MGST2: variants seen among roughly 807,000 people sequenced by gnomAD.
MGST2 encodes glutathione peroxidase MGST2.
A neutral mutation model predicts 16.6 loss-of-function variants in MGST2; 9 were observed. That is an observed-to-expected ratio of 0.54 (90% confidence interval 0.33 to 0.95). The LOEUF (loss-of-function observed/expected upper bound fraction) is 0.95. Among genes scored for constraint, MGST2 ranks in the 40% least tolerant of loss-of-function variants. The pLI is 0.03. For synonymous variants in MGST2, 79 were observed against 68.0 expected (o/e 1.16, Z -0.79); for missense variants, 159 against 175.1 (o/e 0.91, Z 0.52).
chr4:139,746,242 T>C, the MGST2 span, among the ~76,000 whole-genome samples: 2 of 152,232 alleles, frequency 1.3e-5, no homozygotes, highest in Admixed American at 1.3e-4. Flanking sequence ...TGTATTCCAC[T>C]AACCTTTTAA....
chr4:139,688,567 T>C (rs1012281274), intron 2 of MGST2, among the ~76,000 whole-genome samples: 11 of 152,142 alleles, frequency 7.2e-5, no homozygotes, highest in African/African-American at 2.7e-4. Context: ...GAATTCTGAT[T>C]CTGAAATTTG....
chr4:139,710,116 G>T (rs1031409367), intron 5 of MGST2, among the ~76,000 whole-genome samples: 3 of 152,100 alleles, frequency 2.0e-5, no homozygotes, highest in African/African-American at 7.2e-5. Flanking sequence ...GGAGGTGGGT[G>T]GGGTATGGCC....
intron 5 of MGST2, chr4:139,716,767 CTTTTAT>C (rs1245267243): frequency 6.6e-6 from 1 of 152,428 alleles, no homozygotes; most frequent in Non-Finnish European, 1.5e-5. Context: ...TTCAGATAAT[CTTTTAT>C]TTTTGTTTTT....
chr4:139,678,503 C>A, intron 1 of MGST2, 40 bp from the exon 2 acceptor site: 2 of 1,454,212 alleles, frequency 1.4e-6, no homozygotes, highest in Non-Finnish European at 1.9e-6. Context: ...TGACTAATGA[C>A]GTGCCCCATC....
chr4:139,668,836 C>T (rs965781951), intron 1 of MGST2, among the ~76,000 whole-genome samples: 3 of 152,084 alleles, frequency 2.0e-5, no homozygotes, highest in Admixed American at 6.6e-5. Context: ...GGTGGTTTGG[C>T]CAGGGATATT....
At chr4:139,702,509 GT>G (rs1226611340) in intron 3 of MGST2, among the ~76,000 whole-genome samples, 4 of 152,022 alleles carry the variant, frequency 2.6e-5, no homozygotes, top group African/African-American at 9.7e-5. Context: ...ATTGCAAAAT[GT>G]TGTGTTGCAT....
At chr4:139,688,861 C>T (rs1336265117) in intron 2 of MGST2, among the ~76,000 whole-genome samples, 1 of 152,150 alleles carries the variant, frequency 6.6e-6, no homozygotes, top group Non-Finnish European at 1.5e-5. Context: ...AATCACAGCA[C>T]TTTGGGAGGC....
chr4:139,752,620 T>C, the MGST2 span, among the ~76,000 whole-genome samples: 3 of 152,168 alleles, frequency 2.0e-5, no homozygotes, highest in African/African-American at 7.2e-5. Flanking sequence ...CACAAATACA[T>C]TCTGTATTTT....
At chr4:139,725,353 G>A (rs559967964) in intron 5 of MGST2, among the ~76,000 whole-genome samples, 5 of 152,290 alleles carry the variant, frequency 3.3e-5, no homozygotes, top group African/African-American at 1.2e-4. Flanking sequence ...CAAGATTTTT[G>A]CCCCTGTAGT....
chr4:139,753,341 A>AATCT, the MGST2 span, among the ~76,000 whole-genome samples: 60,862 of 146,522 alleles, frequency 0.42, 12,671 homozygotes, highest in Middle Eastern at 0.45. Context: ...TTTTCTTTTT[A>AATCT]ATCTATCTAT....
chr4:139,722,121 C>G (rs1579358434), intron 5 of MGST2, among the ~76,000 whole-genome samples: 1 of 152,256 alleles, frequency 6.6e-6, no homozygotes, highest in East Asian at 1.9e-4. Context: ...TAGATACTGT[C>G]TGGAATAATT....
intron 3 of MGST2, among the ~76,000 whole-genome samples, chr4:139,697,497 C>G (rs899184419): frequency 1.3e-5 from 2 of 152,194 alleles, no homozygotes; most frequent in Non-Finnish European, 2.9e-5. Context: ...ATCAAACCAT[C>G]CTTTGCTGGC....
intron 5 of MGST2, among the ~76,000 whole-genome samples, chr4:139,732,095 G>A (rs550228687): frequency 9.2e-5 from 14 of 152,172 alleles, no homozygotes; most frequent in Admixed American, 4.6e-4. Flanking sequence ...ACTATTATGA[G>A]ACCTAAATAG....
intron 5 of MGST2, among the ~76,000 whole-genome samples, chr4:139,710,237 A>G (rs542693832): frequency 3.0e-4 from 45 of 152,340 alleles, no homozygotes; most frequent in African/African-American, 1.1e-3. Flanking sequence ...ATTGAATGCT[A>G]TGGAATGTTC....
In MGST2 at chr4:139,735,717, T is replaced by C. The variant is rs563786377; in HGVS notation, c.*49-4495T>C. ...AATTTAGCCTCTCGACTCCAGCCTATATGCTTACAAGTCCTCAGGGGACTC... is the reference window on the plus strand; with the variant it reads ...AATTTAGCCTCTCGACTCCAGCCTACATGCTTACAAGTCCTCAGGGGACTC... On this transcript the variant is annotated intron_variant, in intron 5 of 5. Transcript: ENST00000616265. The surrounding 1 kb of genome is among the most constrained non-coding windows in gnomAD (Gnocchi z 5.8). Among the ~76,000 whole-genome samples, 91 of 152,326 alleles carry C rather than the reference T, an allele frequency of 6.0e-4. No individual in the cohort carries two copies. The highest frequency in any genetic ancestry group is 1.2e-3 in the East Asian group (6 of 5,178).
At chr4:139,729,095 C>T (rs908689447) in intron 5 of MGST2, among the ~76,000 whole-genome samples, 3 of 146,982 alleles carry the variant, frequency 2.0e-5, no homozygotes, top group Non-Finnish European at 4.5e-5. Flanking sequence ...CAATAGCTGC[C>T]AGGCGGCTGA....
At chr4:139,714,767 T>TTTCACCTTC (rs1579347076) in intron 5 of MGST2, among the ~76,000 whole-genome samples, 2 of 150,580 alleles carry the variant, frequency 1.3e-5, no homozygotes, top group East Asian at 3.9e-4. Context: ...GGTGAAATGA[T>TTTCACCTTC]CAGGGAGGCC....
At chr4:139,724,380 A>AT (rs1444696511) in intron 5 of MGST2, among the ~76,000 whole-genome samples, 2 of 152,174 alleles carry the variant, frequency 1.3e-5, no homozygotes, top group Admixed American at 6.5e-5. Flanking sequence ...GTTGTATTTC[A>AT]TTTTGAAAAT....
At chr4:139,699,003 T>C (rs554724924) in intron 3 of MGST2, among the ~76,000 whole-genome samples, 65 of 152,240 alleles carry the variant, frequency 4.3e-4, no homozygotes, top group Non-Finnish European at 6.9e-4. Context: ...AGTAGCAATC[T>C]GTATGGGTAT....
Sources: gnomAD v4.1 joint callset for allele counts (sites outside exome capture counted in the v4.1 genomes callset) on GRCh38, gnomAD v4.1.1 for gene constraint, Gnocchi (gnomAD v3.1) non-coding constraint, MANE v1.5 for transcripts, NCBI Gene and HGNC (gene_info 2026-07-23, HGNC 2026-07-21) for gene names.